Variants in OLFM3 observed in about 807,000 individuals in gnomAD.
OLFM3 encodes olfactomedin 3, also known as noelin-3.
OLFM3 carries 20 observed loss-of-function variants against 48.6 expected under a neutral mutation model. That is an observed-to-expected ratio of 0.41 (90% confidence interval 0.29 to 0.60). The LOEUF (loss-of-function observed/expected upper bound fraction) is 0.60. Among genes scored for constraint, OLFM3 ranks in the 20% least tolerant of loss-of-function variants. OLFM3 has a pLI of 0.28. For missense variants in OLFM3, 437 were observed against 544.3 expected (o/e 0.80, Z 1.96); for synonymous variants, 222 against 198.1 (o/e 1.12, Z -1.01).
chr1:101,844,743 A>G (rs1655902508), intron 1 of OLFM3, among the ~76,000 whole-genome samples: 1 of 151,856 alleles, frequency 6.6e-6, no homozygotes. Flanking sequence ...CTGACTTAAG[A>G]CCTCTTTTAT....
intron 4 of OLFM3, 98 bp from the exon 5 acceptor site, chr1:101,806,280 G>C: frequency 1.2e-6 from 1 of 830,298 alleles, no homozygotes; most frequent in Non-Finnish European, 2.0e-6. Context: ...ATAAAACTAA[G>C]CCAATCCATG....
intron 1 of OLFM3, among the ~76,000 whole-genome samples, chr1:101,972,743 T>A (rs1660840510): frequency 6.6e-6 from 1 of 152,244 alleles, no homozygotes. Context: ...GTCTCCATTT[T>A]GCTTTTTAAA....
chr1:101,979,380 C>T (rs1221691317), intron 1 of OLFM3, among the ~76,000 whole-genome samples: 1 of 152,100 alleles, frequency 6.6e-6, no homozygotes, highest in East Asian at 1.9e-4. Flanking sequence ...CCCCACGTTT[C>T]AAGGGTGGGA....
At position 101,899,236 on chromosome 1, in the gene OLFM3, T is replaced by C. The variant is rs1045478039; in HGVS notation, c.70-62211A>G. Among the ~76,000 whole-genome samples, 3 of 152,100 alleles carry C rather than the reference T, an allele frequency of 2.0e-5. No homozygotes were observed. The South Asian group carries it at 6.2e-4, about 32-fold the overall frequency. ...TGCTAGAATTCAGTTCTCCACTGAT[T>C]GTTGGACTGAGGTGTCATTTTTTTC... On this transcript the variant is annotated intron_variant, in intron 1 of 5. Coordinates refer to ENST00000370103, the MANE Select transcript of OLFM3 (RefSeq NM_058170.4).
intron 1 of OLFM3, among the ~76,000 whole-genome samples, chr1:101,977,854 C>T (rs1009228277): frequency 6.6e-6 from 1 of 151,932 alleles, no homozygotes; most frequent in African/African-American, 2.4e-5. Flanking sequence ...AACCTGAAAA[C>T]ATTAAACTTT....
intron 1 of OLFM3, among the ~76,000 whole-genome samples, chr1:101,842,358 A>AC (rs1264894668): frequency 6.6e-6 from 1 of 151,688 alleles, no homozygotes; most frequent in Non-Finnish European, 1.5e-5. Context: ...GCATAATGAG[A>AC]CCCCCTCATC....
At chr1:101,892,157 A>T (rs1658024135) in intron 1 of OLFM3, among the ~76,000 whole-genome samples, 1 of 152,044 alleles carries the variant, frequency 6.6e-6, no homozygotes, top group Admixed American at 6.6e-5. Context: ...TTGTTAATAA[A>T]TGATTCTGCA....
chr1:101,951,904 G>T (rs1051101490), intron 1 of OLFM3, among the ~76,000 whole-genome samples: 6 of 152,070 alleles, frequency 3.9e-5, no homozygotes, highest in African/African-American at 1.4e-4. Flanking sequence ...TCTTTATAAA[G>T]AAGGTGGATT....
intron 1 of OLFM3, among the ~76,000 whole-genome samples, chr1:101,884,089 C>A (rs975247522): frequency 3.9e-5 from 6 of 151,960 alleles, no homozygotes; most frequent in Non-Finnish European, 7.4e-5. Context: ...TCCTTGACTT[C>A]TTAGATCATC....
rs993554216 is a variant in OLFM3, at chr1:101,870,712, C to CT, written c.70-33688dup. On this transcript the variant is annotated intron_variant, in intron 1 of 5. Coordinates refer to ENST00000370103, the MANE Select transcript of OLFM3 (RefSeq NM_058170.4). ...AGCAAACTTAGGAGATAATGGGGGT[C>CT]TTTTTTTTTCACAGTGGCTTCCTGT... Among the ~76,000 whole-genome samples, 29 of 151,090 alleles carry CT rather than the reference C, an allele frequency of 1.9e-4. 1 individual carries two copies. In the South Asian group the frequency reaches 4.2e-3, roughly 22 times the overall value.
rs149002218 is a variant in OLFM3, at chr1:101,833,705, T to C, written c.217-2878A>G. Among the ~76,000 whole-genome samples, 18 of 152,320 alleles carry C rather than the reference T, an allele frequency of 1.2e-4. No individual in the cohort carries two copies. The East Asian group carries it at 3.5e-3, about 29-fold the overall frequency. On this transcript the variant is annotated intron_variant, in intron 2 of 5. Coordinates refer to ENST00000370103, the MANE Select transcript of OLFM3 (RefSeq NM_058170.4). ...ACTTAAACACAAATTAACTTTGATT[T>C]TCACTCTCACTCATAATTAGTGAGG...
intron 1 of OLFM3, among the ~76,000 whole-genome samples, chr1:101,987,847 T>C (rs10874530): frequency 0.53 from 80,406 of 151,934 alleles, 21,597 homozygotes; most frequent in East Asian, 0.73. Context: ...TTTGTAATAT[T>C]TAAGCAACTT....
At chr1:101,855,032 T>C (rs1415382898) in intron 1 of OLFM3, among the ~76,000 whole-genome samples, 2 of 152,116 alleles carry the variant, frequency 1.3e-5, no homozygotes, top group Admixed American at 6.6e-5. Flanking sequence ...CAAATGTTAG[T>C]GACAAGCGAA....
chr1:101,991,012 A>AG (rs1441445693), intron 1 of OLFM3, among the ~76,000 whole-genome samples: 1 of 74,312 alleles, frequency 1.3e-5, no homozygotes, highest in Admixed American at 1.3e-4. Context: ...AAAAAAAAAA[A>AG]AAAAATATAT....
chr1:101,924,907 A>T (rs1659219921), intron 1 of OLFM3, among the ~76,000 whole-genome samples: 1 of 152,162 alleles, frequency 6.6e-6, no homozygotes, highest in Admixed American at 6.5e-5. Context: ...GCTACCCAAG[A>T]ATGTTGAAGG....
At chr1:101,904,613 C>T (rs1658495081) in intron 1 of OLFM3, among the ~76,000 whole-genome samples, 1 of 152,018 alleles carries the variant, frequency 6.6e-6, no homozygotes, top group Non-Finnish European at 1.5e-5. Context: ...AACTGCAATA[C>T]ACAAAGCTGT....
At chr1:101,960,109 G>A (rs1443845678) in intron 1 of OLFM3, among the ~76,000 whole-genome samples, 1 of 152,080 alleles carries the variant, frequency 6.6e-6, no homozygotes, top group East Asian at 1.9e-4. Context: ...GGAGGAAACG[G>A]GGCTGGGGCA....
At position 101,966,282 on chromosome 1, in the gene OLFM3, A is replaced by C. The variant is rs539923621; in HGVS notation, c.69+30466T>G. ...CAGGCTCAAGGTATCCTTGTGTCTC[A>C]GCCTCCTGAGTAGCTGGCACCACAC... is the stretch of plus-strand genomic sequence containing the variant. On this transcript the variant is annotated intron_variant, in intron 1 of 5. Transcript: ENST00000370103. 7.0e-4 allele frequency among the ~76,000 whole-genome samples: 106 copies of C among 150,758 alleles called. 1 individual carries two copies. The highest frequency in any genetic ancestry group is 2.3e-3 in the African/African-American group (96 of 40,966).
At chr1:101,988,693 A>G (rs1661316621) in intron 1 of OLFM3, among the ~76,000 whole-genome samples, 1 of 152,108 alleles carries the variant, frequency 6.6e-6, no homozygotes, top group African/African-American at 2.4e-5. Context: ...TCTTATATCA[A>G]TAAGACACTG....
Sources: allele counts gnomAD v4.1 joint callset (sites outside exome capture counted in the v4.1 genomes callset), GRCh38; gene constraint gnomAD v4.1.1; transcripts MANE v1.5; gene names NCBI Gene and HGNC (gene_info 2026-07-23, HGNC 2026-07-21).